Variants in PPP1R7 observed in about 807,000 individuals in gnomAD.
PPP1R7 encodes the protein protein phosphatase 1 regulatory subunit 7.
A neutral mutation model predicts 45.2 loss-of-function variants in PPP1R7; 18 were observed. The ratio of observed to expected loss-of-function variants is 0.40; its 90% confidence interval spans 0.28 to 0.59. The LOEUF (loss-of-function observed/expected upper bound fraction) is 0.59. PPP1R7 is among the 20% of genes least tolerant of loss of function. The pLI, the probability that PPP1R7 is intolerant of heterozygous loss-of-function variation, is 0.46. For synonymous variants in PPP1R7, 181 were observed against 183.4 expected (o/e 0.99, Z 0.11); for missense variants, 314 against 455.8 (o/e 0.69, Z 2.83).
At chr2:241,165,586 T>G (rs1462240396) in intron 7 of PPP1R7, among the ~76,000 whole-genome samples, 2 of 152,082 alleles carry the variant, frequency 1.3e-5, no homozygotes, top group Non-Finnish European at 2.9e-5. Context: ...TCTAGCATGT[T>G]TTTTGTTTGT....
At chr2:241,172,247 G>T (rs2149066929) in intron 9 of PPP1R7, among the ~76,000 whole-genome samples, 1 of 151,398 alleles carries the variant, frequency 6.6e-6, no homozygotes, top group South Asian at 2.1e-4. Context: ...TGGAGGGAGG[G>T]TTGTTTTAGC....
chr2:241,164,692 A>T (rs1012074025), intron 7 of PPP1R7, among the ~76,000 whole-genome samples: 4 of 152,126 alleles, frequency 2.6e-5, no homozygotes, highest in Non-Finnish European at 5.9e-5. Context: ...TGAGCCCAGG[A>T]GTTCAAGACC....
chr2:241,162,180 G>T (rs559343666), intron 6 of PPP1R7, among the ~76,000 whole-genome samples: 2 of 152,292 alleles, frequency 1.3e-5, no homozygotes, highest in Admixed American at 6.5e-5. Context: ...ACTTTCTAGG[G>T]CAACAGTGGC....
chr2:241,152,935 G>T (rs1479146377), intron 1 of PPP1R7, among the ~76,000 whole-genome samples: 1 of 152,154 alleles, frequency 6.6e-6, no homozygotes, highest in Non-Finnish European at 1.5e-5. Flanking sequence ...TTCTGTGGGC[G>T]GTCAGCACTA....
At chr2:241,179,633 C>T (rs982701461) in intron 9 of PPP1R7, among the ~76,000 whole-genome samples, 4 of 152,102 alleles carry the variant, frequency 2.6e-5, no homozygotes, top group African/African-American at 9.7e-5. Flanking sequence ...AGGAATGTGC[C>T]CGCGCTCCCC....
At position 241,183,370 on chromosome 2, in the gene PPP1R7, G is replaced by T; in HGVS notation, c.*547G>T. Reference sequence around the variant, plus strand: ...AGCTGACTCAGCCCTGTGTGCTTGTGTTCCTTAGAGCTCTCCTTCAAAGAG... The same window carrying T: ...AGCTGACTCAGCCCTGTGTGCTTGTTTTCCTTAGAGCTCTCCTTCAAAGAG... On this transcript the variant is annotated 3_prime_UTR_variant, in exon 10 of 10. Transcript: ENST00000234038. 4.3e-6 allele frequency: 2 copies of T among 470,090 alleles called. No individual in the cohort carries two copies. Among genetic ancestry groups the T allele is most frequent in the Non-Finnish European group, 8.8e-6 (2 of 226,840 alleles). The allele number at this position is 470,090 out of a possible 1,614,324, so 29.1% of individuals were successfully genotyped here.
chr2:241,150,263 T>C (rs576444183), upstream of PPP1R7: 5 of 1,295,344 alleles, frequency 3.9e-6, no homozygotes, highest in South Asian at 1.0e-4. Context: ...TCCCAGCTTC[T>C]CGCCTCCAGA....
At chr2:241,167,562 C>T (rs920319028) in intron 8 of PPP1R7, among the ~76,000 whole-genome samples, 13 of 152,214 alleles carry the variant, frequency 8.5e-5, no homozygotes, top group African/African-American at 3.1e-4. Flanking sequence ...ACCCTGGCCT[C>T]CCTGAGCCAA....
At chr2:241,176,021 G>A (rs530965730) in intron 9 of PPP1R7, among the ~76,000 whole-genome samples, 92 of 152,114 alleles carry the variant, frequency 6.0e-4, no homozygotes, top group African/African-American at 2.2e-3. Flanking sequence ...CAGGTAATCC[G>A]CCCACCTCGG....
At chr2:241,170,474 T>C (rs1357963135) in intron 9 of PPP1R7, among the ~76,000 whole-genome samples, 2 of 152,206 alleles carry the variant, frequency 1.3e-5, no homozygotes, top group Non-Finnish European at 2.9e-5. Context: ...CGAGTGGAAG[T>C]CTTCAGTGCT....
intron 6 of PPP1R7, among the ~76,000 whole-genome samples, chr2:241,162,817 G>C (rs2067624298): frequency 1.3e-5 from 2 of 151,992 alleles, no homozygotes; most frequent in South Asian, 2.1e-4. Context: ...GGAGTAGCTG[G>C]AACTACAGGC....
chr2:241,158,671 C>T (rs1368640111), intron 4 of PPP1R7, 122 bp downstream of exon 4: 1 of 931,194 alleles, frequency 1.1e-6, no homozygotes, highest in East Asian at 2.4e-5. Context: ...GTGGCTGCCT[C>T]CACCTTGTAG....
intron 9 of PPP1R7, among the ~76,000 whole-genome samples, chr2:241,177,476 A>G (rs1047853300): frequency 4.6e-5 from 7 of 152,228 alleles, no homozygotes. Context: ...GAAAAAAGAA[A>G]GAATAGGTAT....
intron 1 of PPP1R7, among the ~76,000 whole-genome samples, chr2:241,151,250 C>G (rs752220431): frequency 6.6e-6 from 1 of 152,208 alleles, no homozygotes; most frequent in Non-Finnish European, 1.5e-5. Flanking sequence ...CACTTAGCAA[C>G]TGGGGAATCA....
intron 9 of PPP1R7, among the ~76,000 whole-genome samples, chr2:241,173,211 G>C (rs2067849335): frequency 6.9e-6 from 1 of 144,198 alleles, no homozygotes; most frequent in Non-Finnish European, 1.5e-5. Context: ...GGCAGAGGTT[G>C]CAGTGAGCCA....
At chr2:241,152,207 C>T (rs2067337707) in intron 1 of PPP1R7, among the ~76,000 whole-genome samples, 1 of 152,228 alleles carries the variant, frequency 6.6e-6, no homozygotes, top group African/African-American at 2.4e-5. Context: ...CTTGCTGAGG[C>T]ATAGGTGCTA....
chr2:241,149,859 G>C, upstream of PPP1R7: 1 of 1,466,192 alleles, frequency 6.8e-7, no homozygotes, highest in Non-Finnish European at 9.0e-7. Context: ...GAGCCCAGCT[G>C]GCGCCCCGGA....
chr2:241,176,959 G>A (rs955860016), intron 9 of PPP1R7, among the ~76,000 whole-genome samples: 15 of 152,166 alleles, frequency 9.9e-5, no homozygotes, highest in Non-Finnish European at 1.5e-4. Flanking sequence ...AGCTGGGCAC[G>A]GTGGCTCACA....
In PPP1R7 at chr2:241,183,070, A is replaced by G. The variant is rs2149075624; in HGVS notation, c.*247A>G. The G allele has an allele frequency of 3.6e-6, 2 of 551,736 alleles. No homozygotes were observed. Among genetic ancestry groups the G allele is most frequent in the East Asian group, 3.1e-5 (1 of 32,130 alleles). The allele number at this position is 551,736 out of a possible 1,614,324, so 34.2% of individuals were successfully genotyped here. On this transcript the variant is annotated 3_prime_UTR_variant, in exon 10 of 10. Transcript: ENST00000234038. The stretch of plus-strand genomic sequence containing the variant: ...GTTATTGTAGCCACAGAGAGAACAT[A>G]AGACACGTTGCGTTCATTCGCTAGA...
Sources: gnomAD v4.1 joint callset for allele counts (sites outside exome capture counted in the v4.1 genomes callset) on GRCh38, gnomAD v4.1.1 for gene constraint, MANE v1.5 for transcripts, NCBI Gene and HGNC (gene_info 2026-07-23, HGNC 2026-07-21) for gene names.